Variants in ADISSP observed in about 807,000 individuals in gnomAD.
The protein encoded by ADISSP is adipose secreted signaling protein.
At chr20:3,757,633 TTTTG>T in the ADISSP span, among the ~76,000 whole-genome samples, 2 of 151,830 alleles carry the variant, frequency 1.3e-5, no homozygotes, top group African/African-American at 2.4e-5. Context: ...CCAGGTTCTT[TTTTG>T]TTTGTTTGTT....
the ADISSP span, among the ~76,000 whole-genome samples, chr20:3,764,095 C>T: frequency 1.3e-5 from 2 of 152,358 alleles, no homozygotes; most frequent in East Asian, 3.9e-4. Context: ...CAGCTTGTCC[C>T]CAGGGAACTT....
chr20:3,755,018 G>A, the ADISSP span, among the ~76,000 whole-genome samples: 1 of 152,200 alleles, frequency 6.6e-6, no homozygotes, highest in Non-Finnish European at 1.5e-5. Flanking sequence ...CCTAGCCTCT[G>A]CCAGGCTGGG....
the ADISSP span, among the ~76,000 whole-genome samples, chr20:3,763,255 C>CAAAAA: frequency 2.2e-3 from 108 of 48,616 alleles, 2 homozygotes; most frequent in Middle Eastern, 0.014. Context: ...GACTCTGTCT[C>CAAAAA]AAAAAAAAAA....
chr20:3,759,611 C>A, the ADISSP span, among the ~76,000 whole-genome samples: 2 of 152,234 alleles, frequency 1.3e-5, no homozygotes, highest in South Asian at 2.1e-4. This position sits in a 1 kb window ranked among gnomAD's most constrained non-coding sequence, Gnocchi z 4.6. Flanking sequence ...CCCAGGGGAC[C>A]AGCCTGGCAC....
At chr20:3,755,733 A>C in the ADISSP span, 2 of 741,226 alleles carry the variant, frequency 2.7e-6, no homozygotes, top group South Asian at 3.6e-5. Context: ...AGAAAGCCCA[A>C]CTCCCTCCAT....
the ADISSP span, chr20:3,758,395 C>A: frequency 1.4e-6 from 1 of 702,238 alleles, no homozygotes. This position sits in a 1 kb window ranked among gnomAD's most constrained non-coding sequence, Gnocchi z 5.5. Flanking sequence ...TGCCTCCCAT[C>A]TGACAGATGG....
chr20:3,762,638 C>T, the ADISSP span, among the ~76,000 whole-genome samples: 3 of 152,282 alleles, frequency 2.0e-5, no homozygotes, highest in East Asian at 3.9e-4. Context: ...AGACGTGAGC[C>T]GCCAGGCCTG....
At chr20:3,761,336 G>GT in the ADISSP span, among the ~76,000 whole-genome samples, 41,773 of 141,454 alleles carry the variant, frequency 0.3, 7,120 homozygotes, top group African/African-American at 0.5. Flanking sequence ...TATGGTTTTT[G>GT]TTTTTTTTTT....
At chr20:3,761,446 C>T in the ADISSP span, among the ~76,000 whole-genome samples, 44,156 of 151,742 alleles carry the variant, frequency 0.29, 6,582 homozygotes, top group African/African-American at 0.31. Context: ...AGCGACTCTC[C>T]CACCTCAGCA....
At chr20:3,758,622 A>T in the ADISSP span, 1 of 1,613,638 alleles carries the variant, frequency 6.2e-7, no homozygotes, top group Non-Finnish European at 8.5e-7. The surrounding 1 kb of genome is among the most constrained non-coding windows in gnomAD (Gnocchi z 5.5). Context: ...TGGCTGTGGG[A>T]TCCTTCTGCA....
chr20:3,761,932 G>C, the ADISSP span, among the ~76,000 whole-genome samples: 2 of 152,236 alleles, frequency 1.3e-5, no homozygotes, highest in African/African-American at 2.4e-5. Flanking sequence ...CAGAAGGCAG[G>C]ATATTCTACA....
chr20:3,753,703 G>T, the ADISSP span: 19 of 344,626 alleles, frequency 5.5e-5, no homozygotes, highest in East Asian at 1.1e-3. Context: ...CGACGCCACA[G>T]AGCCAGCTCC....
the ADISSP span, chr20:3,759,918 A>G: frequency 8.1e-7 from 1 of 1,232,668 alleles, no homozygotes; most frequent in East Asian, 2.3e-5. The surrounding 1 kb of genome is among the most constrained non-coding windows in gnomAD (Gnocchi z 4.6). Context: ...ACCTGGCACA[A>G]ACACTGACAT....
At chr20:3,754,000 CG>C in the ADISSP span, 19 of 1,324,360 alleles carry the variant, frequency 1.4e-5, no homozygotes, top group East Asian at 2.1e-4. Context: ...CGCAGCATGT[CG>C]GGGGGACAAG....
chr20:3,762,325 AG>A, the ADISSP span, among the ~76,000 whole-genome samples: 1 of 152,018 alleles, frequency 6.6e-6, no homozygotes, highest in Non-Finnish European at 1.5e-5. Flanking sequence ...TATTCTAGAT[AG>A]GAAAGCAGCA....
chr20:3,761,211 C>T, the ADISSP span, among the ~76,000 whole-genome samples: 1 of 152,162 alleles, frequency 6.6e-6, no homozygotes, highest in East Asian at 1.9e-4. Context: ...ATTCTGCAAC[C>T]CCTAAAGGAA....
the ADISSP span, chr20:3,754,111 C>A: frequency 6.2e-7 from 1 of 1,613,556 alleles, no homozygotes; most frequent in Non-Finnish European, 8.5e-7. Flanking sequence ...AGCTCGGCGC[C>A]CACACACTTG....
At chr20:3,760,543 C>G in the ADISSP span, among the ~76,000 whole-genome samples, 2 of 151,858 alleles carry the variant, frequency 1.3e-5, no homozygotes, top group African/African-American at 2.4e-5. Context: ...TTCCAGGGAC[C>G]AGTTCTGGTG....
chr20:3,755,494 G>A, the ADISSP span: 1 of 1,612,470 alleles, frequency 6.2e-7, no homozygotes, highest in South Asian at 1.1e-5. Context: ...CCACGCTGAG[G>A]AGCTTGAGGT....
Sources: allele counts gnomAD v4.1 joint callset (sites outside exome capture counted in the v4.1 genomes callset), GRCh38; gene constraint gnomAD v4.1.1; non-coding constraint Gnocchi (gnomAD v3.1); transcripts MANE v1.5; gene names NCBI Gene and HGNC (gene_info 2026-07-23, HGNC 2026-07-21).